Variants in PMFBP1 observed in about 807,000 individuals in gnomAD.
PMFBP1 encodes polyamine modulated factor 1 binding protein 1, also known as polyamine-modulated factor 1-binding protein 1.
Under a neutral mutation model 137.8 loss-of-function variants are expected in PMFBP1, and 131 were observed. That is an observed-to-expected ratio of 0.95 (90% CI 0.82 to 1.10). The LOEUF is 1.10. Among genes scored for constraint, PMFBP1 ranks in the 50% least tolerant of loss-of-function variants. The pLI is 0.00. For synonymous variants in PMFBP1, 490 were observed against 450.4 expected, an observed-to-expected ratio of 1.09 and a Z score of -1.11; for missense variants, 1,199 against 1,175.4, an observed-to-expected ratio of 1.02 and a Z score of -0.29.
intron 5 of PMFBP1, among the ~76,000 whole-genome samples, chr16:72,148,481 G>T (rs1015793921): frequency 2.0e-5 from 3 of 152,040 alleles, no homozygotes; most frequent in African/African-American, 7.3e-5. Flanking sequence ...TAACAAACCT[G>T]CACGTTGTGC....
chr16:72,245,391 C>A, the PMFBP1 span, among the ~76,000 whole-genome samples: 1 of 152,108 alleles, frequency 6.6e-6, no homozygotes, highest in African/African-American at 2.4e-5. Flanking sequence ...CAAGGTGGTA[C>A]AGCTGGTAAA....
chr16:72,170,219 T>C (rs1395378889), intron 2 of PMFBP1, among the ~76,000 whole-genome samples: 1 of 151,198 alleles, frequency 6.6e-6, no homozygotes, highest in Non-Finnish European at 1.5e-5. Flanking sequence ...AGAAAATCCA[T>C]ACGAGATCCT....
At chr16:72,229,363 A>G in the PMFBP1 span, among the ~76,000 whole-genome samples, 1 of 152,186 alleles carries the variant, frequency 6.6e-6, no homozygotes, top group Non-Finnish European at 1.5e-5. Flanking sequence ...TCCTTTGGGT[A>G]TGTAACCAGT....
At chr16:72,170,906 T>C (rs919690374) in intron 2 of PMFBP1, among the ~76,000 whole-genome samples, 3 of 152,206 alleles carry the variant, frequency 2.0e-5, no homozygotes, top group Admixed American at 6.5e-5. Flanking sequence ...ATCATTCATA[T>C]TTTCTAGATA....
the PMFBP1 span, among the ~76,000 whole-genome samples, chr16:72,199,788 C>A: frequency 6.6e-6 from 1 of 151,506 alleles, no homozygotes; most frequent in Non-Finnish European, 1.5e-5. Flanking sequence ...AGTTGCAAAT[C>A]ACTTACTCAG....
chr16:72,147,265 C>T (rs1004790114), intron 5 of PMFBP1, among the ~76,000 whole-genome samples: 1 of 152,094 alleles, frequency 6.6e-6, no homozygotes, highest in Non-Finnish European at 1.5e-5. Flanking sequence ...CAAAAACAAC[C>T]AATGGGGAAA....
In PMFBP1 at chr16:72,169,499, C is replaced by T. The variant is rs191441890; in HGVS notation, c.12+1698G>A. On this transcript the variant is annotated intron_variant, in intron 2 of 20. Coordinates refer to ENST00000237353, the MANE Select transcript of PMFBP1 (RefSeq NM_031293.3). ...TTTGCCTGTGAACAAAAATTTAGAACCAATTATGTTCATATACTGAGGAGT... is the reference window on the plus strand; with the variant it reads ...TTTGCCTGTGAACAAAAATTTAGAATCAATTATGTTCATATACTGAGGAGT... Among the ~76,000 whole-genome samples, 144 of 152,134 alleles carry T rather than the reference C, an allele frequency of 9.5e-4. 1 individual carries two copies. The highest frequency in any genetic ancestry group is 3.4e-3 in the African/African-American group (142 of 41,518).
chr16:72,128,296 CT>C (rs1706822334), intron 14 of PMFBP1: 1 of 1,057,598 alleles, frequency 9.5e-7, no homozygotes, highest in Admixed American at 3.6e-5. Context: ...ACTGTCCCCC[CT>C]TTCATCTCCT....
chr16:72,150,811 C>T lies in PMFBP1; in HGVS notation c.433G>A (p.Glu145Lys), dbSNP rs770063636. 6 of 1,613,934 alleles carry T rather than the reference C, an allele frequency of 3.7e-6. No homozygotes were observed. In the Admixed American group the frequency reaches 1.0e-4, roughly 27 times the overall value. Residue 145 changes from glutamate (E) to lysine (K), a missense_variant, in exon 5 of 21, where the codon GAA (glutamate) becomes AAA (lysine). By Grantham distance (56) the Glu-to-Lys change is moderately conservative (BLOSUM62 1). Transcript: ENST00000237353. ...GTGTTCTCGTTGTGATTTCCCATTT[C>T]CTCCTCATAGAGAATCACCTGTAGG... The part of the protein sequence containing the change: ...KEDEVILYEE[E>K]MGNHNENTGE...
At chr16:72,118,277 T>C (rs756673700), downstream of PMFBP1, among the ~76,000 whole-genome samples, 4 of 152,176 alleles carry the variant, frequency 2.6e-5, no homozygotes, top group Non-Finnish European at 5.9e-5. Flanking sequence ...TGGGGGAACG[T>C]AGTTCAAAGA....
the PMFBP1 span, among the ~76,000 whole-genome samples, chr16:72,228,281 G>A: frequency 6.6e-6 from 1 of 152,154 alleles, no homozygotes; most frequent in Non-Finnish European, 1.5e-5. Flanking sequence ...TGGGTGAAAG[G>A]AAGGTTCTGA....
chr16:72,201,452 T>C, the PMFBP1 span, among the ~76,000 whole-genome samples: 24 of 152,342 alleles, frequency 1.6e-4, no homozygotes, highest in African/African-American at 5.5e-4. Context: ...TGTTTTCAAT[T>C]CAGTTAAAAT....
At chr16:72,207,034 T>C in the PMFBP1 span, among the ~76,000 whole-genome samples, 2 of 151,892 alleles carry the variant, frequency 1.3e-5, no homozygotes, top group South Asian at 4.2e-4. Flanking sequence ...GTAGCCACCC[T>C]GGAATGGTGG....
chr16:72,149,399 C>T (rs1180101325), intron 5 of PMFBP1, among the ~76,000 whole-genome samples: 2 of 152,144 alleles, frequency 1.3e-5, no homozygotes, highest in Non-Finnish European at 2.9e-5. Flanking sequence ...AGCAATCACA[C>T]TTCAAGAATT....
At chr16:72,185,212 C>T in the PMFBP1 span, among the ~76,000 whole-genome samples, 1 of 151,902 alleles carries the variant, frequency 6.6e-6, no homozygotes, top group South Asian at 2.1e-4. Flanking sequence ...TTAGTAGATA[C>T]GGGGTTTCAC....
At chr16:72,169,263 C>T (rs775563369) in intron 2 of PMFBP1, among the ~76,000 whole-genome samples, 2 of 152,112 alleles carry the variant, frequency 1.3e-5, no homozygotes, top group Non-Finnish European at 2.9e-5. Context: ...AAGAGTTATG[C>T]CTTAAGAATC....
the PMFBP1 span, among the ~76,000 whole-genome samples, chr16:72,186,779 T>C: frequency 7.2e-5 from 11 of 152,188 alleles, no homozygotes; most frequent in Admixed American, 2.0e-4. Flanking sequence ...TATCCAAATA[T>C]ATAAACACAT....
the PMFBP1 span, among the ~76,000 whole-genome samples, chr16:72,248,208 C>T: frequency 2.0e-5 from 3 of 152,132 alleles, no homozygotes; most frequent in East Asian, 5.8e-4. Flanking sequence ...TTGTTTTGTT[C>T]CAAAGTTGTT....
the PMFBP1 span, among the ~76,000 whole-genome samples, chr16:72,232,580 C>T: frequency 6.6e-6 from 1 of 152,268 alleles, no homozygotes; most frequent in Admixed American, 6.5e-5. Flanking sequence ...TTAGAAGACA[C>T]ATTTAACATG....
Sources: gnomAD v4.1 joint callset for allele counts (sites outside exome capture counted in the v4.1 genomes callset) on GRCh38, gnomAD v4.1.1 for gene constraint, MANE v1.5 for transcripts, NCBI Gene and HGNC (gene_info 2026-07-23, HGNC 2026-07-21) for gene names.